Variants in CDYL observed in about 807,000 individuals in gnomAD.
The protein encoded by CDYL is chromodomain Y like.
CDYL carries 8 observed loss-of-function variants against 47.3 expected under a neutral mutation model. That is an observed-to-expected ratio of 0.17 (90% confidence interval 0.10 to 0.31). The LOEUF is 0.31. Among genes scored for constraint, CDYL ranks in the 10% least tolerant of loss-of-function variants. CDYL has a pLI of 1.00. For missense variants in CDYL, 471 were observed against 701.4 expected, an observed-to-expected ratio of 0.67 and a Z score of 3.71; for synonymous variants, 266 against 265.0, an observed-to-expected ratio of 1.00 and a Z score of -0.04.
Position 4,815,277 on chromosome 6 carries a change from A to G in CDYL, c.24+38470A>G, listed in dbSNP as rs1289899908. ...GTATCACATAAATAGATTTTTAAAC[A>G]TGCACCAGAGGTTTATATAAATATA... On this transcript the variant is annotated intron_variant, in intron 1 of 6. Coordinates refer to ENST00000397588, the MANE Select transcript of CDYL (RefSeq NM_004824.4). Among the ~76,000 whole-genome samples, 3 of 152,220 alleles carry G rather than the reference A, an allele frequency of 2.0e-5. No individual in the cohort carries two copies. In the East Asian group the frequency reaches 5.8e-4, roughly 29 times the overall value.
chr6:4,855,077 A>G (rs1353200688), intron 1 of CDYL, among the ~76,000 whole-genome samples: 3 of 152,180 alleles, frequency 2.0e-5, no homozygotes, highest in Non-Finnish European at 1.5e-5. Context: ...ATAAAATGAG[A>G]GAAATAATTA....
At chr6:4,952,666 C>G (rs902169454) in intron 6 of CDYL, among the ~76,000 whole-genome samples, 14 of 152,160 alleles carry the variant, frequency 9.2e-5, no homozygotes, top group African/African-American at 3.4e-4. Context: ...CTATGAAAGT[C>G]AACAACAACT....
In CDYL at chr6:4,914,673, A is replaced by G. The variant is rs535646675; in HGVS notation, c.692-20842A>G. 2.6e-5 allele frequency among the ~76,000 whole-genome samples: 4 copies of G among 152,218 alleles called. No homozygotes were observed. In the East Asian group the frequency reaches 7.7e-4, roughly 29 times the overall value. On this transcript the variant is annotated intron_variant, in intron 2 of 6. Transcript: ENST00000397588. ...GTGCACGGGCCTATTCTTCATTCTG[A>G]GCTATTAAGCTGGTTTTCATTTGAC...
chr6:4,753,936 C>A (rs1240184709), intron 3 of CDYL, among the ~76,000 whole-genome samples: 1 of 152,132 alleles, frequency 6.6e-6, no homozygotes, highest in Non-Finnish European at 1.5e-5. Context: ...GTTCTTACCC[C>A]CTTTTTCCCT....
At chr6:4,898,628 A>T (rs1762355055) in intron 2 of CDYL, among the ~76,000 whole-genome samples, 1 of 152,204 alleles carries the variant, frequency 6.6e-6, no homozygotes, top group Non-Finnish European at 1.5e-5. Context: ...TGTGATGCCC[A>T]GCAGCAGGTG....
intron 3 of CDYL, among the ~76,000 whole-genome samples, chr6:4,749,522 T>C (rs1314281048): frequency 6.6e-6 from 1 of 152,200 alleles, no homozygotes; most frequent in Non-Finnish European, 1.5e-5. Flanking sequence ...ATAAATGTGT[T>C]CTATTTAGGG....
At chr6:4,917,236 T>C (rs1757584326) in intron 2 of CDYL, among the ~76,000 whole-genome samples, 1 of 152,208 alleles carries the variant, frequency 6.6e-6, no homozygotes, top group Non-Finnish European at 1.5e-5. Flanking sequence ...ATCTTAGAAG[T>C]ACCAGATTGT....
intron 2 of CDYL, among the ~76,000 whole-genome samples, chr6:4,914,272 TC>T (rs1757494557): frequency 1.3e-5 from 2 of 151,594 alleles, no homozygotes; most frequent in African/African-American, 4.8e-5. Context: ...TTGCTGCCCT[TC>T]CCCCAGAGGC....
chr6:4,788,865 C>A (rs1340965191), intron 1 of CDYL, among the ~76,000 whole-genome samples: 1 of 152,012 alleles, frequency 6.6e-6, no homozygotes, highest in East Asian at 1.9e-4. Context: ...CTTTGCTCTG[C>A]TGTTCTGGGA....
At chr6:4,754,626 G>A (rs1227225654) in intron 3 of CDYL, among the ~76,000 whole-genome samples, 1 of 152,170 alleles carries the variant, frequency 6.6e-6, no homozygotes, top group Admixed American at 6.5e-5. Flanking sequence ...TTTCCCAACA[G>A]CTTTTATTCC....
chr6:4,858,227 C>T (rs1161166649), intron 1 of CDYL, among the ~76,000 whole-genome samples: 9 of 152,074 alleles, frequency 5.9e-5, no homozygotes, highest in African/African-American at 2.2e-4. Flanking sequence ...TTAAAAAACC[C>T]ACATATTTTC....
chr6:4,936,505 A>G (rs1283913079), intron 3 of CDYL, among the ~76,000 whole-genome samples: 1 of 152,226 alleles, frequency 6.6e-6, no homozygotes, highest in Non-Finnish European at 1.5e-5. Flanking sequence ...CCGGGGTCAC[A>G]TAACAAACCA....
At chr6:4,756,188 G>A (rs1231717414) in intron 3 of CDYL, among the ~76,000 whole-genome samples, 2 of 152,186 alleles carry the variant, frequency 1.3e-5, no homozygotes, top group Non-Finnish European at 2.9e-5. Flanking sequence ...TCAGAAGGCA[G>A]CAGTTGCCCT....
chr6:4,724,988 A>C (rs1757479917), intron 2 of CDYL: 1 of 152,080 alleles, frequency 6.6e-6, no homozygotes, highest in African/African-American at 2.4e-5. Flanking sequence ...TTTTACAGAG[A>C]GCTGATTGGT....
At chr6:4,946,115 C>CTT (rs1581289101) in intron 5 of CDYL, among the ~76,000 whole-genome samples, 2 of 152,200 alleles carry the variant, frequency 1.3e-5, no homozygotes, top group African/African-American at 2.4e-5. Context: ...CTGCATCAGC[C>CTT]TTTGGTAAGT....
chr6:4,792,579 G>A (rs1044542444), intron 1 of CDYL, among the ~76,000 whole-genome samples: 2 of 151,856 alleles, frequency 1.3e-5, no homozygotes, highest in South Asian at 4.2e-4. Context: ...GGGACTACAG[G>A]CACACACTAC....
At chr6:4,910,243 G>A (rs1270009317) in intron 2 of CDYL, among the ~76,000 whole-genome samples, 18 of 152,182 alleles carry the variant, frequency 1.2e-4, no homozygotes, top group Admixed American at 6.5e-4. Context: ...TCAGTCTCAC[G>A]GCATTAGCAC....
At chr6:4,811,269 A>G (rs1199930518) in intron 1 of CDYL, among the ~76,000 whole-genome samples, 1 of 152,242 alleles carries the variant, frequency 6.6e-6, no homozygotes, top group Admixed American at 6.5e-5. Flanking sequence ...AGATAATACT[A>G]AAGATAGAAC....
chr6:4,835,818 A>C (rs1415466130), intron 1 of CDYL, among the ~76,000 whole-genome samples: 1 of 152,102 alleles, frequency 6.6e-6, no homozygotes, highest in African/African-American at 2.4e-5. Flanking sequence ...GCCGCCTTGC[A>C]GTTTGATCTC....
Sources: allele counts gnomAD v4.1 joint callset (sites outside exome capture counted in the v4.1 genomes callset), GRCh38; gene constraint gnomAD v4.1.1; transcripts MANE v1.5; gene names NCBI Gene and HGNC (gene_info 2026-07-23, HGNC 2026-07-21).